FRK: variants seen among roughly 807,000 people sequenced by gnomAD.
FRK encodes fyn related Src family tyrosine kinase.
A neutral mutation model predicts 56.4 loss-of-function variants in FRK; 51 were observed. That is an observed-to-expected ratio of 0.90 (90% confidence interval 0.72 to 1.14). The LOEUF is 1.14. Among genes scored for constraint, FRK ranks in the 50% most tolerant of loss-of-function variants. The probability of loss-of-function intolerance (pLI) is 0.00; values close to 1 mark genes in which losing one functional copy is unlikely to be tolerated. For synonymous variants in FRK, 245 were observed against 217.9 expected (o/e 1.12, Z -1.10); for missense variants, 570 against 601.4 (o/e 0.95, Z 0.55).
chr6:115,966,165 C>A (rs1046532562), intron 4 of FRK, among the ~76,000 whole-genome samples: 8 of 150,830 alleles, frequency 5.3e-5, no homozygotes, highest in African/African-American at 1.5e-4. Flanking sequence ...AAACATAATT[C>A]TTCACTTAAT....
chr6:115,951,877 T>C (rs560425278), intron 5 of FRK, among the ~76,000 whole-genome samples: 60 of 152,256 alleles, frequency 3.9e-4, no homozygotes, highest in African/African-American at 1.4e-3. Context: ...CACAAACCTA[T>C]GATGATTTAC....
chr6:115,953,207 T>TG (rs1772847840), intron 5 of FRK, among the ~76,000 whole-genome samples: 1 of 126,262 alleles, frequency 7.9e-6, no homozygotes, highest in Non-Finnish European at 1.7e-5. Flanking sequence ...TTTTTTTTTT[T>TG]GAGACGGAGT....
At chr6:115,965,264 G>T (rs1411840552) in intron 4 of FRK, among the ~76,000 whole-genome samples, 2 of 114,426 alleles carry the variant, frequency 1.7e-5, no homozygotes, top group African/African-American at 6.7e-5. Flanking sequence ...CTTCTCAAAA[G>T]AAGACATTTA....
intron 4 of FRK, 146 bp downstream of exon 4, chr6:115,967,405 G>C (rs1773622240): frequency 1.6e-6 from 1 of 636,792 alleles, no homozygotes; most frequent in South Asian, 2.5e-5. Context: ...CTTATCCATA[G>C]GTTGGGGTCA....
At chr6:116,032,602 A>G (rs148217439) in intron 1 of FRK, among the ~76,000 whole-genome samples, 44 of 152,306 alleles carry the variant, frequency 2.9e-4, no homozygotes, top group Middle Eastern at 3.4e-3. Flanking sequence ...CCATGTTTAA[A>G]CACTTTACAT....
At chr6:116,044,605 T>G (rs927612393) in intron 1 of FRK, among the ~76,000 whole-genome samples, 3 of 152,202 alleles carry the variant, frequency 2.0e-5, no homozygotes, top group Non-Finnish European at 4.4e-5. Flanking sequence ...GAGCGATTTA[T>G]GACAAACCCA....
At chr6:115,961,417 G>C (rs957495205) in intron 4 of FRK, among the ~76,000 whole-genome samples, 4 of 124,606 alleles carry the variant, frequency 3.2e-5, no homozygotes, top group Admixed American at 8.9e-5. Flanking sequence ...ATCTACGTCT[G>C]ATTGGTGTAC....
In FRK at chr6:115,933,380, A is replaced by T. The variant is rs1771989546; in HGVS notation, c.*9034T>A. ...TCTTTTCCTGATCCTTTTATTTAAT[A>T]CAGGGAGAGAAATTTATGGCAGTTA... On this transcript the variant is annotated 3_prime_UTR_variant, in exon 8 of 8. Coordinates refer to ENST00000606080, the MANE Select transcript of FRK (RefSeq NM_002031.3). 1 of 152,228 alleles carries T rather than the reference A, an allele frequency of 6.6e-6. No homozygotes were observed. Among genetic ancestry groups the T allele is most frequent in the Non-Finnish European group, 1.5e-5 (1 of 68,040 alleles). The allele number at this position is 152,228 out of a possible 1,614,324, so 9.4% of individuals were successfully genotyped here.
the FRK span, among the ~76,000 whole-genome samples, chr6:116,091,621 C>T: frequency 6.6e-6 from 1 of 152,190 alleles, no homozygotes; most frequent in Admixed American, 6.5e-5. Flanking sequence ...CATCGGACCC[C>T]TTTCGCTTGC....
At chr6:115,953,884 A>G (rs1191234295) in intron 5 of FRK, among the ~76,000 whole-genome samples, 1 of 152,240 alleles carries the variant, frequency 6.6e-6, no homozygotes, top group Non-Finnish European at 1.5e-5. Flanking sequence ...GAAACAAAGA[A>G]AACACTATCT....
Position 115,942,887 on chromosome 6 carries a change from A to C in FRK, c.1306+133T>G, listed in dbSNP as rs1055292712. On this transcript the variant is annotated intron_variant, in intron 7 of 7. Transcript: ENST00000606080. Reference sequence around the variant, plus strand: ...ATGCAAATTATCATCATCAAATTTTATCTATCAAGCTCCCGCAGGTATGGT... The same window carrying C: ...ATGCAAATTATCATCATCAAATTTTCTCTATCAAGCTCCCGCAGGTATGGT... 4.4e-5 allele frequency: 38 copies of C among 871,156 alleles called. No homozygotes were observed. In the South Asian group the frequency reaches 6.6e-4, roughly 15 times the overall value. The allele number at this position is 871,156 out of a possible 1,614,324, so 54.0% of individuals were successfully genotyped here. A position where few individuals can be genotyped will look rare whatever the true frequency, so the allele number is the denominator to read the frequency against.
chr6:116,068,204 T>C, the FRK span, among the ~76,000 whole-genome samples: 7 of 152,306 alleles, frequency 4.6e-5, no homozygotes, highest in Non-Finnish European at 7.4e-5. Context: ...ATGATCATGA[T>C]GATGATGAAA....
intron 1 of FRK, among the ~76,000 whole-genome samples, chr6:116,004,409 G>A (rs1009405241): frequency 6.6e-6 from 1 of 152,142 alleles, no homozygotes; most frequent in African/African-American, 2.4e-5. Flanking sequence ...GCTGTTAGGA[G>A]GCAAATATTC....
At chr6:116,032,175 G>A (rs190218471) in intron 1 of FRK, among the ~76,000 whole-genome samples, 154 of 152,028 alleles carry the variant, frequency 1.0e-3, no homozygotes, top group African/African-American at 3.5e-3. Context: ...TTTCTGAGAA[G>A]ATCAACACAG....
chr6:115,989,879 G>A (rs1774529699), intron 2 of FRK, among the ~76,000 whole-genome samples: 1 of 151,878 alleles, frequency 6.6e-6, no homozygotes, highest in Admixed American at 6.6e-5. Flanking sequence ...TTCCATAGGA[G>A]TTATACTAAT....
upstream of FRK, among the ~76,000 whole-genome samples, chr6:116,064,555 T>A (rs984652213): frequency 6.6e-6 from 1 of 152,188 alleles, no homozygotes; most frequent in African/African-American, 2.4e-5. Flanking sequence ...GTGAAAGTTC[T>A]ATAGTGTGAA....
the FRK span, among the ~76,000 whole-genome samples, chr6:116,080,729 TAGA>T: frequency 4.6e-5 from 7 of 152,068 alleles, no homozygotes; most frequent in African/African-American, 1.4e-4. Flanking sequence ...CAAAGAAACA[TAGA>T]AGGACTTCTA....
intron 5 of FRK, among the ~76,000 whole-genome samples, chr6:115,950,575 G>A (rs575285023): frequency 1.9e-4 from 29 of 152,326 alleles, no homozygotes; most frequent in African/African-American, 6.5e-4. Flanking sequence ...TGGTGGGAGT[G>A]TAAATTAGTT....
intron 1 of FRK, among the ~76,000 whole-genome samples, chr6:116,018,950 G>A (rs903382696): frequency 2.6e-5 from 4 of 152,144 alleles, no homozygotes; most frequent in Non-Finnish European, 5.9e-5. Context: ...AGAGCTTCAA[G>A]TAAGCTTGAG....
Sources: allele counts gnomAD v4.1 joint callset (sites outside exome capture counted in the v4.1 genomes callset), GRCh38; gene constraint gnomAD v4.1.1; transcripts MANE v1.5; gene names NCBI Gene and HGNC (gene_info 2026-07-23, HGNC 2026-07-21).